The following GNAQ variants were observed in gnomAD, a reference collection of about 807,000 sequenced individuals.
GNAQ encodes the protein guanine nucleotide-binding protein G(q) subunit alpha.
Under a neutral mutation model 43.9 loss-of-function variants are expected in GNAQ, and 8 were observed. The observed-to-expected ratio is 0.18, with a 90% CI of 0.11 to 0.33. The LOEUF (loss-of-function observed/expected upper bound fraction) is 0.33. Among genes scored for constraint, GNAQ ranks in the 10% least tolerant of loss-of-function variants. The pLI is 1.00. For synonymous variants in GNAQ, 155 were observed against 170.7 expected, an observed-to-expected ratio of 0.91 and a Z score of 0.71; for missense variants, 158 against 450.8, an observed-to-expected ratio of 0.35 and a Z score of 5.88.
rs572531460 is a variant in GNAQ, at chr9:77,809,204, C to T, written c.476+6412G>A. Among the ~76,000 whole-genome samples, 27 of 152,262 alleles carry T rather than the reference C, an allele frequency of 1.8e-4. No individual in the cohort carries two copies. The South Asian group carries it at 4.1e-3, about 23-fold the overall frequency. ...ATCTACTCATGTTCTTTACGGGCTC[C>T]GGATCATGTGGAAATTTCAAGAAGG... On this transcript the variant is annotated intron_variant, in intron 3 of 6. Coordinates refer to ENST00000286548, the MANE Select transcript of GNAQ (RefSeq NM_002072.5).
At chr9:77,990,185 T>A (rs1823491050) in intron 1 of GNAQ, among the ~76,000 whole-genome samples, 1 of 152,166 alleles carries the variant, frequency 6.6e-6, no homozygotes, top group African/African-American at 2.4e-5. Context: ...CCTCATGGAA[T>A]TGGAGGATTC....
At chr9:77,995,665 A>G (rs1474903194) in intron 1 of GNAQ, among the ~76,000 whole-genome samples, 3 of 151,890 alleles carry the variant, frequency 2.0e-5, no homozygotes, top group Non-Finnish European at 2.9e-5. Context: ...AACTTTTTGT[A>G]GAAATGGGGT....
chr9:77,798,041 C>A (rs910435413), intron 3 of GNAQ, among the ~76,000 whole-genome samples: 16 of 152,212 alleles, frequency 1.1e-4, no homozygotes, highest in African/African-American at 3.6e-4. Context: ...GGTCAGAATG[C>A]CTTTTTTTTC....
chr9:77,948,195 A>T (rs187776486), intron 1 of GNAQ, among the ~76,000 whole-genome samples: 16 of 152,380 alleles, frequency 1.1e-4, no homozygotes, highest in Non-Finnish European at 2.1e-4. Flanking sequence ...TTTATAAGAT[A>T]GTATAAACAA....
chr9:77,717,897 AT>A lies in GNAQ; in HGVS notation c.*3425del, dbSNP rs1430059027. 1.7e-5 allele frequency: 4 copies of A among 232,418 alleles called. No homozygotes were observed. Among genetic ancestry groups the A allele is most frequent in the African/African-American group, 8.8e-5 (4 of 45,260 alleles). The allele number at this position is 232,418 out of a possible 1,614,324, so 14.4% of individuals were successfully genotyped here. A position where few individuals can be genotyped will look rare whatever the true frequency, so the allele number is the denominator to read the frequency against. ...TGTTAAAAACAAAAACTTCTAGGAGATTTATTTACTTTTGAATGGGTGTGTT... is the reference window on the plus strand; with the variant it reads ...TGTTAAAAACAAAAACTTCTAGGAGATTATTTACTTTTGAATGGGTGTGTT... On this transcript the variant is annotated 3_prime_UTR_variant, in exon 7 of 7. Coordinates refer to ENST00000286548, the MANE Select transcript of GNAQ (RefSeq NM_002072.5).
chr9:77,914,905 T>C (rs1828872106), intron 2 of GNAQ, among the ~76,000 whole-genome samples: 1 of 149,136 alleles, frequency 6.7e-6, no homozygotes, highest in Non-Finnish European at 1.5e-5. Context: ...AAGAAAAAAA[T>C]CTCTATTGGG....
At chr9:77,971,884 G>C (rs1224750048) in intron 1 of GNAQ, among the ~76,000 whole-genome samples, 1 of 152,150 alleles carries the variant, frequency 6.6e-6, no homozygotes, top group Non-Finnish European at 1.5e-5. Context: ...GTTGTATGTT[G>C]TATTCCTAGG....
chr9:77,984,048 G>GA (rs1564170418), intron 1 of GNAQ, among the ~76,000 whole-genome samples: 2 of 24,724 alleles, frequency 8.1e-5, no homozygotes, highest in African/African-American at 2.1e-4. Context: ...ATTTTGGAGA[G>GA]CAAAAAAAAA....
At chr9:77,738,342 T>C (rs1274544478) in intron 5 of GNAQ, among the ~76,000 whole-genome samples, 1 of 152,088 alleles carries the variant, frequency 6.6e-6, no homozygotes, top group East Asian at 1.9e-4. Flanking sequence ...CACTCAACTA[T>C]GGAGAGTAAA....
chr9:77,948,622 C>A (rs373915973), intron 1 of GNAQ, among the ~76,000 whole-genome samples: 1 of 152,144 alleles, frequency 6.6e-6, no homozygotes, highest in Non-Finnish European at 1.5e-5. Flanking sequence ...GCAGAAAGAA[C>A]GACCGCTACT....
At chr9:77,729,589 T>C (rs1003173338) in intron 5 of GNAQ, among the ~76,000 whole-genome samples, 2 of 152,082 alleles carry the variant, frequency 1.3e-5, no homozygotes, top group Non-Finnish European at 2.9e-5. Context: ...TAGACTCACC[T>C]CTCTAAATCA....
At chr9:77,936,977 C>T (rs2118328049) in intron 1 of GNAQ, among the ~76,000 whole-genome samples, 1 of 152,224 alleles carries the variant, frequency 6.6e-6, no homozygotes, top group East Asian at 1.9e-4. Flanking sequence ...CTTTCTTTTC[C>T]ATATATTCTT....
intron 2 of GNAQ, among the ~76,000 whole-genome samples, chr9:77,920,361 G>A (rs1211585313): frequency 2.6e-5 from 4 of 152,096 alleles, no homozygotes; most frequent in Non-Finnish European, 5.9e-5. Flanking sequence ...AATTCAGGGA[G>A]ATTATATTTT....
At chr9:77,917,136 A>G (rs1828920887) in intron 2 of GNAQ, among the ~76,000 whole-genome samples, 1 of 152,194 alleles carries the variant, frequency 6.6e-6, no homozygotes. Flanking sequence ...GCAAACAAAT[A>G]TGAAATAACT....
At chr9:78,020,596 G>A (rs1038411893) in intron 1 of GNAQ, among the ~76,000 whole-genome samples, 6 of 152,212 alleles carry the variant, frequency 3.9e-5, no homozygotes, top group African/African-American at 1.2e-4. Context: ...TGGTGGAGGC[G>A]GCCAGAAGAG....
intron 5 of GNAQ, among the ~76,000 whole-genome samples, chr9:77,762,251 G>A (rs1350397510): frequency 2.8e-5 from 4 of 143,352 alleles, no homozygotes; most frequent in Non-Finnish European, 4.6e-5. Flanking sequence ...AGGGAGGTTG[G>A]GGGGTCAGCC....
At chr9:77,974,978 T>C (rs1371565557) in intron 1 of GNAQ, among the ~76,000 whole-genome samples, 1 of 152,216 alleles carries the variant, frequency 6.6e-6, no homozygotes, top group African/African-American at 2.4e-5. Flanking sequence ...TGTGAAGTCT[T>C]AGTTTGGTAT....
intron 2 of GNAQ, among the ~76,000 whole-genome samples, chr9:77,887,814 T>C (rs1828335490): frequency 6.6e-6 from 1 of 152,252 alleles, no homozygotes; most frequent in Non-Finnish European, 1.5e-5. Context: ...ACACACACTA[T>C]TATTCCCCAA....
At chr9:77,729,047 C>T (rs1362991192) in intron 5 of GNAQ, among the ~76,000 whole-genome samples, 1 of 151,962 alleles carries the variant, frequency 6.6e-6, no homozygotes, top group Non-Finnish European at 1.5e-5. Flanking sequence ...CTAGATATGG[C>T]TTCATTTTGT....
Sources: gnomAD v4.1 joint callset for allele counts (sites outside exome capture counted in the v4.1 genomes callset) on GRCh38, gnomAD v4.1.1 for gene constraint, MANE v1.5 for transcripts, NCBI Gene and HGNC (gene_info 2026-07-23, HGNC 2026-07-21) for gene names.